NEURL1B: variants seen among roughly 807,000 people sequenced by gnomAD.
The protein encoded by NEURL1B is neuralized E3 ubiquitin protein ligase 1B, also known as E3 ubiquitin-protein ligase NEURL1B.
A neutral mutation model predicts 37.4 loss-of-function variants in NEURL1B; 13 were observed. That is an observed-to-expected ratio of 0.35 (90% CI 0.23 to 0.55). The LOEUF is 0.55. NEURL1B is among the 20% of genes least tolerant of loss of function. NEURL1B has a pLI of 0.89. For synonymous variants in NEURL1B, 432 were observed against 426.6 expected (o/e 1.01, Z -0.16); for missense variants, 790 against 879.2 (o/e 0.90, Z 1.28).
intron 2 of NEURL1B, among the ~76,000 whole-genome samples, chr5:172,673,972 C>G (rs1016430440): frequency 2.0e-5 from 3 of 151,932 alleles, no homozygotes; most frequent in African/African-American, 7.3e-5. Context: ...AACCCTGTCT[C>G]TACTAAAAAT....
At chr5:172,648,112 G>T (rs1047988734) in intron 1 of NEURL1B, among the ~76,000 whole-genome samples, 4 of 152,200 alleles carry the variant, frequency 2.6e-5, no homozygotes, top group African/African-American at 9.7e-5. Context: ...CAGATTAACC[G>T]CACAGGCTGG....
chr5:172,662,296 C>T (rs1323261717), intron 1 of NEURL1B: 3 of 154,068 alleles, frequency 1.9e-5, no homozygotes, highest in South Asian at 2.0e-4. Flanking sequence ...TCACACGGAC[C>T]GCAAGATCAC....
At position 172,665,158 on chromosome 5, in the gene NEURL1B, C is replaced by CT. The variant is rs1193062527; in HGVS notation, c.32-4626dup. Among the ~76,000 whole-genome samples, 1 of 152,208 alleles carries CT rather than the reference C, an allele frequency of 6.6e-6. No homozygotes were observed. Among genetic ancestry groups the CT allele is most frequent in the Non-Finnish European group, 1.5e-5 (1 of 68,038 alleles). On this transcript the variant is annotated intron_variant, in intron 1 of 4. Transcript: ENST00000369800. This position sits in a 1 kb window ranked among gnomAD's most constrained non-coding sequence, Gnocchi z 4.1. ...AATCAAATAAGGGTGGCCATGGACGCTGGTGCTCAGAAGGGCTTTTGATAT... is the reference window on the plus strand; with the variant it reads ...AATCAAATAAGGGTGGCCATGGACGCTTGGTGCTCAGAAGGGCTTTTGATAT...
In NEURL1B at chr5:172,689,490, G is replaced by A. The variant is rs943492532; in HGVS notation, c.*2565G>A. 6.6e-6 allele frequency: 1 copy of A among 152,136 alleles called. No individual in the cohort carries two copies. Among genetic ancestry groups the A allele is most frequent in the Admixed American group, 6.5e-5 (1 of 15,280 alleles). The allele number at this position is 152,136 out of a possible 1,614,324, so 9.4% of individuals were successfully genotyped here. A position where few individuals can be genotyped will look rare whatever the true frequency, so the allele number is the denominator to read the frequency against. ...AAACGCTGCCAATCTTAACTAAGAT[G>A]CTACAACTGTACAGTTCCTTCCAAT... On this transcript the variant is annotated 3_prime_UTR_variant, in exon 5 of 5. Transcript: ENST00000369800.
At chr5:172,649,455 G>A (rs759236915) in intron 1 of NEURL1B, among the ~76,000 whole-genome samples, 5 of 141,426 alleles carry the variant, frequency 3.5e-5, no homozygotes, top group African/African-American at 8.0e-5. Context: ...TTTGCCTCCC[G>A]GGTTCAAGCA....
chr5:172,658,132 C>T (rs554456759), intron 1 of NEURL1B, among the ~76,000 whole-genome samples: 7 of 152,156 alleles, frequency 4.6e-5, no homozygotes, highest in South Asian at 4.2e-4. Flanking sequence ...CCCAGCCTTT[C>T]GGGGCCACTT....
chr5:172,664,290 G>GT (rs1482151137), intron 1 of NEURL1B, among the ~76,000 whole-genome samples: 1 of 152,106 alleles, frequency 6.6e-6, no homozygotes, highest in East Asian at 1.9e-4. Flanking sequence ...CTAGAGCCTT[G>GT]TTTTCTCCTG....
rs1758578080 is a variant in NEURL1B, at chr5:172,689,188, G to GT, written c.*2266dup. On this transcript the variant is annotated 3_prime_UTR_variant, in exon 5 of 5. Transcript: ENST00000369800. ...TGTTTCCAAGAGGAGGTAAGGAAGT[G>GT]TTTATCTTCTAAAAACCAGACGTTT... 1 of 152,212 alleles carries GT rather than the reference G, an allele frequency of 6.6e-6. No individual in the cohort carries two copies. Among genetic ancestry groups the GT allele is most frequent in the Non-Finnish European group, 1.5e-5 (1 of 68,042 alleles). 9.4% of individuals were successfully genotyped at this position (152,212 alleles called of 1,614,324 possible). A position where few individuals can be genotyped will look rare whatever the true frequency, so the allele number is the denominator to read the frequency against.
rs975938963 is a variant in NEURL1B at position 172,647,031 on chromosome 5, C to G, written c.31+5594C>G. Among the ~76,000 whole-genome samples the G allele has an allele frequency of 6.6e-6, 1 of 152,148 alleles. No homozygotes were observed. The highest frequency in any genetic ancestry group is 1.5e-5 in the Non-Finnish European group (1 of 68,018). ...ATTTCTCAGCTGCCACACTCCCAAC[C>G]GGGATAATGTGCTGTGTTTGCCAGC... is the stretch of plus-strand genomic sequence containing the variant. On this transcript the variant is annotated intron_variant, in intron 1 of 4. Transcript: ENST00000369800. The surrounding 1 kb of genome is among the most constrained non-coding windows in gnomAD (Gnocchi z 4.2).
chr5:172,684,113 C>T lies in NEURL1B; in HGVS notation c.1272C>T (p.Gly424=), dbSNP rs1758430270. ...GGGCCTTCTTCGCCGTGCGCGGCGG[C>T]GTCGCGGGCCAGCTGCGTCTCCTCG... ...ALWAFFAVRG[G]VAGQLRLLGT... Residue 424 remains glycine (G), a synonymous_variant, in exon 3 of 5, where the codon GGC becomes GGT. Coordinates refer to ENST00000369800, the MANE Select transcript of NEURL1B (RefSeq NM_001142651.3). The T allele has an allele frequency of 1.6e-6, 2 of 1,260,426 alleles. No individual in the cohort carries two copies. The highest frequency in any genetic ancestry group is 3.3e-5 in the East Asian group (1 of 30,094). 78.1% of individuals were successfully genotyped at this position (1,260,426 alleles called of 1,614,324 possible).
intron 1 of NEURL1B, among the ~76,000 whole-genome samples, chr5:172,649,047 G>C (rs1374183642): frequency 1.3e-5 from 2 of 152,232 alleles, no homozygotes; most frequent in Non-Finnish European, 2.9e-5. Context: ...GGAAGTGCAT[G>C]GTGGACCCAA....
At chr5:172,658,708 C>T (rs1179675170) in intron 1 of NEURL1B, among the ~76,000 whole-genome samples, 1 of 152,106 alleles carries the variant, frequency 6.6e-6, no homozygotes, top group Admixed American at 6.5e-5. Context: ...GGGCAGCTCA[C>T]CCAATCTCTC....
chr5:172,690,707 C>T lies in NEURL1B; in HGVS notation c.*3782C>T, dbSNP rs1054759324. On this transcript the variant is annotated 3_prime_UTR_variant, in exon 5 of 5. Coordinates refer to ENST00000369800, the MANE Select transcript of NEURL1B (RefSeq NM_001142651.3). ...CCAAAGGCTGCCTTCTTGACCAGAA[C>T]CTGCTGTGCGCTTCACAGAACCTCC... 4 of 146,164 alleles carry T rather than the reference C, an allele frequency of 2.7e-5. No individual in the cohort carries two copies. The highest frequency in any genetic ancestry group is 5.9e-5 in the Non-Finnish European group (4 of 68,050). The allele number at this position is 146,164 out of a possible 1,614,324, so 9.1% of individuals were successfully genotyped here. A position where few individuals can be genotyped will look rare whatever the true frequency, so the allele number is the denominator to read the frequency against.
At position 172,661,107 on chromosome 5, in the gene NEURL1B, G is replaced by T. The variant is rs1445878415; in HGVS notation, c.32-8678G>T. On this transcript the variant is annotated intron_variant, in intron 1 of 4. Coordinates refer to ENST00000369800, the MANE Select transcript of NEURL1B (RefSeq NM_001142651.3). The surrounding 1 kb of genome is among the most constrained non-coding windows in gnomAD (Gnocchi z 4.0). The stretch of plus-strand genomic sequence containing the variant: ...GCCCCCCTCACCCCAACACACATGA[G>T]CACCATGTTGCTTCCTACTGCCAAC... 6.6e-6 allele frequency among the ~76,000 whole-genome samples: 1 copy of T among 152,158 alleles called. No individual in the cohort carries two copies. Among genetic ancestry groups the T allele is most frequent in the Non-Finnish European group, 1.5e-5 (1 of 68,028 alleles).
intron 1 of NEURL1B, among the ~76,000 whole-genome samples, chr5:172,667,853 AC>A (rs2113300532): frequency 1.1e-5 from 1 of 89,838 alleles, no homozygotes; most frequent in South Asian, 4.9e-4. Context: ...CCCACCCCCC[AC>A]CCCAGCTCTG....
intron 2 of NEURL1B, among the ~76,000 whole-genome samples, chr5:172,671,669 A>G (rs1242274129): frequency 1.3e-5 from 2 of 152,244 alleles, no homozygotes; most frequent in East Asian, 3.8e-4. Flanking sequence ...GCTAAGTAGT[A>G]GCCCATGAAC....
intron 2 of NEURL1B, among the ~76,000 whole-genome samples, chr5:172,678,401 T>C (rs1175605825): frequency 2.0e-5 from 3 of 152,108 alleles, no homozygotes; most frequent in Non-Finnish European, 4.4e-5. Flanking sequence ...ACCCCAGGCC[T>C]CCCACCACCT....
intron 1 of NEURL1B, among the ~76,000 whole-genome samples, chr5:172,643,891 G>A (rs1757513532): frequency 6.6e-6 from 1 of 151,912 alleles, no homozygotes; most frequent in Admixed American, 6.6e-5. Flanking sequence ...TCTCCTCAAG[G>A]CTTCTGCACT....
Position 172,687,302 on chromosome 5 carries a change from A to T in NEURL1B, c.*377A>T. On this transcript the variant is annotated 3_prime_UTR_variant, in exon 5 of 5. Coordinates refer to ENST00000369800, the MANE Select transcript of NEURL1B (RefSeq NM_001142651.3). ...AGAACAGAGAGAATGTGTGTGTGAGAGAGAGAGAGAGAGAATGAACGTGTA... is the reference window on the plus strand; with the variant it reads ...AGAACAGAGAGAATGTGTGTGTGAGTGAGAGAGAGAGAGAATGAACGTGTA... 1 of 185,012 alleles carries T rather than the reference A, an allele frequency of 5.4e-6. No individual in the cohort carries two copies. Among genetic ancestry groups the T allele is most frequent in the South Asian group, 1.6e-4 (1 of 6,356 alleles). The allele number at this position is 185,012 out of a possible 1,614,324, so 11.5% of individuals were successfully genotyped here.
Sources: allele counts gnomAD v4.1 joint callset (sites outside exome capture counted in the v4.1 genomes callset), GRCh38; gene constraint gnomAD v4.1.1; non-coding constraint Gnocchi (gnomAD v3.1); transcripts MANE v1.5; gene names NCBI Gene and HGNC (gene_info 2026-07-23, HGNC 2026-07-21).